RANBP3: variants seen among roughly 807,000 people sequenced by gnomAD.
RANBP3 encodes the protein ran-binding protein 3.
In RANBP3, 14 loss-of-function variants were observed where a neutral mutation model predicts 77.3. The observed-to-expected ratio is 0.18, with a 90% CI of 0.12 to 0.28. The LOEUF is 0.28. Ranked by LOEUF, RANBP3 falls within the 10% of genes least tolerant of loss-of-function variation. The probability of loss-of-function intolerance (pLI) is 1.00; values close to 1 mark genes in which losing one functional copy is unlikely to be tolerated. For synonymous variants in RANBP3, 315 were observed against 312.4 expected (o/e 1.01, Z -0.09); for missense variants, 586 against 752.3 (o/e 0.78, Z 2.59).
At chr19:5,937,435 C>T (rs141766412) in intron 5 of RANBP3, among the ~76,000 whole-genome samples, 151 of 152,264 alleles carry the variant, frequency 9.9e-4, no homozygotes, top group Middle Eastern at 6.8e-3. Flanking sequence ...ACCTGTAATC[C>T]TCAAGGTCAT....
rs201076938 is a variant in RANBP3, at chr19:5,917,852, G to T, written c.1602C>A (p.Asn534Lys). ...CGTCATCGTCGCTGTCGTCCTCCTC[G>T]TTGGATGGGGCTGCCCCAGGCTCAG... ...PAPEPGAAPSNEEDDSDDDDV... is the reference protein window; with the variant it reads ...PAPEPGAAPSKEEDDSDDDDV... Residue 534 changes from asparagine (N) to lysine (K), a missense_variant, in exon 16 of 17, where the codon AAC (asparagine) becomes AAA (lysine). Around this residue, in one of 5 missense-constraint regions of RANBP3, gnomAD observed 128 missense variants for 157.0 expected, o/e 0.82. Coordinates refer to ENST00000340578, the MANE Select transcript of RANBP3 (RefSeq NM_007322.3). 6.2e-7 allele frequency: 1 copy of T among 1,612,834 alleles called. No individual in the cohort carries two copies. The highest frequency in any genetic ancestry group is 1.1e-5 in the South Asian group (1 of 91,072).
intron 1 of RANBP3, among the ~76,000 whole-genome samples, chr19:5,973,648 A>G (rs943850168): frequency 2.0e-5 from 3 of 152,220 alleles, no homozygotes; most frequent in Non-Finnish European, 4.4e-5. Flanking sequence ...GGCTCAGCCC[A>G]GGGCCAACTC....
At chr19:5,965,841 C>T (rs2058461574) in intron 1 of RANBP3, 1 of 152,274 alleles carries the variant, frequency 6.6e-6, no homozygotes, top group South Asian at 2.1e-4. Flanking sequence ...GTTCTTCGAG[C>T]ACTTCTTTAT....
chr19:5,936,493 G>A (rs758283639), intron 5 of RANBP3, among the ~76,000 whole-genome samples: 2 of 152,222 alleles, frequency 1.3e-5, no homozygotes, highest in Non-Finnish European at 2.9e-5. Flanking sequence ...TGTCCGCGGA[G>A]GGCCGGGAGC....
chr19:5,925,202 G>A (rs900276067), intron 10 of RANBP3: 16 of 500,836 alleles, frequency 3.2e-5, no homozygotes, highest in African/African-American at 2.3e-4. Context: ...ACCTGGAGGG[G>A]CAGCTGGTCC....
chr19:5,949,374 A>AG (rs1346744493), intron 3 of RANBP3, among the ~76,000 whole-genome samples: 2 of 152,230 alleles, frequency 1.3e-5, no homozygotes, highest in Non-Finnish European at 2.9e-5. Context: ...TAGTAGAGAA[A>AG]GCCAATTAAC....
chr19:5,971,154 G>A (rs2058525920), intron 1 of RANBP3, among the ~76,000 whole-genome samples: 1 of 152,054 alleles, frequency 6.6e-6, no homozygotes, highest in African/African-American at 2.4e-5. Flanking sequence ...CACCATATTA[G>A]AAATGAAACC....
At chr19:5,931,265 G>A in intron 8 of RANBP3, 139 bp downstream of exon 8, 1 of 942,690 alleles carries the variant, frequency 1.1e-6, no homozygotes, top group African/African-American at 1.7e-5. Flanking sequence ...AGCAAATCCA[G>A]AGAGCCTTAC....
chr19:5,924,770 T>G lies in RANBP3; in HGVS notation c.996+57A>C. 2.0e-6 allele frequency: 3 copies of G among 1,530,916 alleles called. No homozygotes were observed. 94.8% of individuals were successfully genotyped at this position (1,530,916 alleles called of 1,614,324 possible). ...CCCTGCTCTCCATGTCCCCTTGACC[T>G]GTGGCTGGCGCCGAGAGCCTCTGGT... On this transcript the variant is annotated intron_variant, in intron 11 of 16. Transcript: ENST00000340578. This position sits in a 1 kb window ranked among gnomAD's most constrained non-coding sequence, Gnocchi z 4.7.
At chr19:5,961,682 G>A (rs755185662) in intron 1 of RANBP3, among the ~76,000 whole-genome samples, 8 of 151,814 alleles carry the variant, frequency 5.3e-5, no homozygotes, top group Non-Finnish European at 8.8e-5. Flanking sequence ...GCAGTGAGCT[G>A]AGATGGTGCC....
chr19:5,921,781 G>A lies in RANBP3; in HGVS notation c.1210-460C>T, dbSNP rs535890632. 6.6e-6 allele frequency among the ~76,000 whole-genome samples: 1 copy of A among 152,202 alleles called. No individual in the cohort carries two copies. Among genetic ancestry groups the A allele is most frequent in the African/African-American group, 2.4e-5 (1 of 41,444 alleles). ...GTTCACACACAGATCGCACATGAAC[G>A]TGCACAGCACCATCATTCACGGTAG... On this transcript the variant is annotated intron_variant, in intron 13 of 16. Transcript: ENST00000340578. This position sits in a 1 kb window ranked among gnomAD's most constrained non-coding sequence, Gnocchi z 5.3.
chr19:5,919,083 G>A (rs1380484504), intron 14 of RANBP3, among the ~76,000 whole-genome samples: 1 of 152,134 alleles, frequency 6.6e-6, no homozygotes, highest in African/African-American at 2.4e-5. Context: ...GGCCTCCATG[G>A]GAGTCCACGT....
At chr19:5,973,097 T>A (rs567981019) in intron 1 of RANBP3, among the ~76,000 whole-genome samples, 2 of 152,276 alleles carry the variant, frequency 1.3e-5, no homozygotes, top group South Asian at 2.1e-4. Flanking sequence ...GGAGGCACAG[T>A]GGAGGTGAAA....
intron 10 of RANBP3, 158 bp from the exon 11 acceptor site, chr19:5,925,063 C>T (rs2057884603): frequency 1.4e-6 from 1 of 703,846 alleles, no homozygotes; most frequent in African/African-American, 1.8e-5. Context: ...AAGCCACACA[C>T]CTCCCTGTGC....
At chr19:5,923,439 A>T in intron 12 of RANBP3, 136 bp from the exon 13 acceptor site, 1 of 748,376 alleles carries the variant, frequency 1.3e-6, no homozygotes, top group Non-Finnish European at 2.2e-6. Context: ...TGCCCCGGCA[A>T]CCCAAGTGGA....
intron 3 of RANBP3, among the ~76,000 whole-genome samples, chr19:5,942,500 C>T (rs183629144): frequency 6.6e-6 from 1 of 152,094 alleles, no homozygotes. Context: ...AAAATGGGCT[C>T]ATGACCAGCC....
At chr19:5,938,205 C>A (rs374870132) in intron 5 of RANBP3, among the ~76,000 whole-genome samples, 6 of 152,090 alleles carry the variant, frequency 3.9e-5, no homozygotes, top group East Asian at 1.9e-4. Flanking sequence ...CTTTTGAAGT[C>A]GGCAATGAAT....
chr19:5,950,129 C>T (rs901577354), intron 3 of RANBP3, among the ~76,000 whole-genome samples: 8 of 152,136 alleles, frequency 5.3e-5, no homozygotes, highest in African/African-American at 7.2e-5. Context: ...GAGAAGTTTC[C>T]GGCAGCCACT....
At position 5,922,455 on chromosome 19, in the gene RANBP3, C is replaced by T. The variant is rs189662868; in HGVS notation, c.1209+739G>A. On this transcript the variant is annotated intron_variant, in intron 13 of 16. Coordinates refer to ENST00000340578, the MANE Select transcript of RANBP3 (RefSeq NM_007322.3). ...GGAAGCACATGGATGCTGCCCAAGC[C>T]GGGTGGTGCGGCCTGAGGAGCAGGA... Among the ~76,000 whole-genome samples, 30 of 152,288 alleles carry T rather than the reference C, an allele frequency of 2.0e-4. No homozygotes were observed. The South Asian group carries it at 2.3e-3, about 12-fold the overall frequency.
Sources: allele counts gnomAD v4.1 joint callset (sites outside exome capture counted in the v4.1 genomes callset), GRCh38; gene constraint gnomAD v4.1.1; regional missense constraint gnomAD v4.1.1; non-coding constraint Gnocchi (gnomAD v3.1); transcripts MANE v1.5; gene names NCBI Gene and HGNC (gene_info 2026-07-23, HGNC 2026-07-21).